The following ELF1 variants were observed in gnomAD, a reference collection of about 807,000 sequenced individuals.
ELF1 encodes the protein E74 like ETS transcription factor 1.
A neutral mutation model predicts 59.9 loss-of-function variants in ELF1; 24 were observed. That is an observed-to-expected ratio of 0.40 (90% CI 0.29 to 0.56). ELF1 has a LOEUF of 0.56. ELF1 is among the 20% of genes least tolerant of loss of function. The pLI is 0.44. For missense variants in ELF1, 627 were observed against 742.2 expected, an observed-to-expected ratio of 0.84 and a Z score of 1.80; for synonymous variants, 248 against 266.2, an observed-to-expected ratio of 0.93 and a Z score of 0.67.
intron 3 of ELF1, among the ~76,000 whole-genome samples, chr13:40,952,585 A>G (rs1870925730): frequency 6.6e-6 from 1 of 151,946 alleles, no homozygotes; most frequent in Non-Finnish European, 1.5e-5. Flanking sequence ...GAATTCCTCA[A>G]GCCAGGCCTG....
chr13:41,036,987 G>C (rs1355645660), intron 1 of ELF1, among the ~76,000 whole-genome samples: 1 of 151,948 alleles, frequency 6.6e-6, no homozygotes, highest in Non-Finnish European at 1.5e-5. Flanking sequence ...ATAGCATTAG[G>C]AGATATACCT....
At chr13:40,976,374 A>T (rs1648751543) in intron 2 of ELF1, among the ~76,000 whole-genome samples, 2 of 152,176 alleles carry the variant, frequency 1.3e-5, no homozygotes, top group South Asian at 4.1e-4. Flanking sequence ...ATCCAGTTCA[A>T]CTTCCATGGT....
Position 40,981,330 on chromosome 13 carries a change from T to TTG in ELF1, c.72+651_72+652dup, listed in dbSNP as rs150570754. ...AAACTCTAGCCTCGTTCCAGTTCTT[T>TTG]TGTGTGTGTGTGTGTTGTGGGGAGG... On this transcript the variant is annotated intron_variant, in intron 2 of 8. Transcript: ENST00000239882. Among the ~76,000 whole-genome samples, 128 of 151,598 alleles carry TTG rather than the reference T, an allele frequency of 8.4e-4. 1 individual carries two copies. Among genetic ancestry groups the TTG allele is most frequent in the African/African-American group, 2.5e-3 (105 of 41,462 alleles).
chr13:40,998,206 A>C (rs1874225416), intron 1 of ELF1, among the ~76,000 whole-genome samples: 1 of 152,234 alleles, frequency 6.6e-6, no homozygotes, highest in African/African-American at 2.4e-5. Context: ...ATGGAAGGCC[A>C]TGGGCTTAGT....
At chr13:41,038,875 A>G (rs1347086434) in intron 1 of ELF1, among the ~76,000 whole-genome samples, 1 of 151,334 alleles carries the variant, frequency 6.6e-6, no homozygotes, top group African/African-American at 2.4e-5. Flanking sequence ...AATAAGCCAG[A>G]CGTGGTGGTA....
At chr13:40,988,431 G>A (rs891085685) in intron 1 of ELF1, among the ~76,000 whole-genome samples, 1 of 152,086 alleles carries the variant, frequency 6.6e-6, no homozygotes, top group African/African-American at 2.4e-5. Flanking sequence ...CAGAATATCT[G>A]GAAAAATAAG....
chr13:41,028,470 C>A (rs1371030300), intron 1 of ELF1, among the ~76,000 whole-genome samples: 1 of 152,206 alleles, frequency 6.6e-6, no homozygotes, highest in Admixed American at 6.5e-5. Flanking sequence ...CCACGACCAG[C>A]TAAGGCGTTT....
intron 3 of ELF1, chr13:40,951,783 T>C (rs4516083): frequency 0.54 from 83,348 of 155,088 alleles, 25,978 homozygotes; most frequent in Non-Finnish European, 0.68. Flanking sequence ...AGGAGAATCG[T>C]TTGAACCCAG....
At chr13:41,057,535 G>A (rs1877332712) in intron 1 of ELF1, among the ~76,000 whole-genome samples, 1 of 152,026 alleles carries the variant, frequency 6.6e-6, no homozygotes, top group South Asian at 2.1e-4. Flanking sequence ...CTGAATAGCT[G>A]ATACAGGTGC....
rs975446539 is a variant in ELF1 at position 40,932,130 on chromosome 13, T to C, written c.*1295A>G. On this transcript the variant is annotated 3_prime_UTR_variant, in exon 9 of 9. Coordinates refer to ENST00000239882, the MANE Select transcript of ELF1 (RefSeq NM_172373.4). ...TTTTTGTTTAAATACAAATTCACTC[T>C]GTAATATGAAAACATAGCATTAGAC... is the stretch of plus-strand genomic sequence containing the variant. The C allele has an allele frequency of 1.3e-5, 2 of 152,228 alleles. No homozygotes were observed. The highest frequency in any genetic ancestry group is 2.9e-5 in the Non-Finnish European group (2 of 68,040). 9.4% of individuals were successfully genotyped at this position (152,228 alleles called of 1,614,324 possible).
chr13:41,026,669 C>A (rs1428522155), intron 1 of ELF1, among the ~76,000 whole-genome samples: 2 of 152,156 alleles, frequency 1.3e-5, no homozygotes, highest in African/African-American at 4.8e-5. Context: ...AGAAACTGAA[C>A]ATTCACCACG....
chr13:40,989,876 CAT>C (rs1873751087), intron 1 of ELF1, among the ~76,000 whole-genome samples: 1 of 152,132 alleles, frequency 6.6e-6, no homozygotes, highest in African/African-American at 2.4e-5. Context: ...TTGGAGGAAA[CAT>C]AATCTGGATT....
At chr13:41,026,917 T>C (rs1875959543) in intron 1 of ELF1, among the ~76,000 whole-genome samples, 1 of 152,178 alleles carries the variant, frequency 6.6e-6, no homozygotes, top group African/African-American at 2.4e-5. Flanking sequence ...TGAGGAATAT[T>C]CTACAATCAG....
At chr13:41,058,826 G>A (rs985453635) in intron 1 of ELF1, among the ~76,000 whole-genome samples, 3 of 152,142 alleles carry the variant, frequency 2.0e-5, no homozygotes, top group African/African-American at 7.2e-5. Context: ...TACAAAAATT[G>A]GCCACGCGTG....
At chr13:40,985,294 T>C (rs1335664040) in intron 1 of ELF1, among the ~76,000 whole-genome samples, 2 of 152,208 alleles carry the variant, frequency 1.3e-5, no homozygotes, top group African/African-American at 2.4e-5. Context: ...AAGATTCTTA[T>C]AATCTTTGAT....
chr13:41,042,869 T>C (rs1412287571), intron 1 of ELF1, among the ~76,000 whole-genome samples: 1 of 152,192 alleles, frequency 6.6e-6, no homozygotes, highest in African/African-American at 2.4e-5. Context: ...TTCTAGATCA[T>C]TGAGGGATCG....
intron 1 of ELF1, among the ~76,000 whole-genome samples, chr13:40,997,630 C>T (rs1331619484): frequency 6.6e-6 from 1 of 151,666 alleles, no homozygotes; most frequent in Non-Finnish European, 1.5e-5. Context: ...CAGGCTCAAG[C>T]ATTCCTCCCA....
At chr13:41,026,131 T>C (rs1311851340) in intron 1 of ELF1, among the ~76,000 whole-genome samples, 1 of 152,194 alleles carries the variant, frequency 6.6e-6, no homozygotes, top group Non-Finnish European at 1.5e-5. Flanking sequence ...GCAACTACTC[T>C]AGGCTTAATG....
intron 1 of ELF1, among the ~76,000 whole-genome samples, chr13:41,000,535 A>T (rs1465733044): frequency 6.6e-6 from 1 of 151,928 alleles, no homozygotes; most frequent in Non-Finnish European, 1.5e-5. Context: ...CTGGGTCTTT[A>T]TCAGAGGTGT....
Sources: gnomAD v4.1 joint callset for allele counts (sites outside exome capture counted in the v4.1 genomes callset) on GRCh38, gnomAD v4.1.1 for gene constraint, MANE v1.5 for transcripts, NCBI Gene and HGNC (gene_info 2026-07-23, HGNC 2026-07-21) for gene names.